ZNF236: variants seen among roughly 807,000 people sequenced by gnomAD.
ZNF236 encodes regulated by glucose.
Under a neutral mutation model 191.2 loss-of-function variants are expected in ZNF236, and 50 were observed. That is an observed-to-expected ratio of 0.26 (90% CI 0.21 to 0.33). The LOEUF (loss-of-function observed/expected upper bound fraction) is 0.33. ZNF236 is among the 10% of genes least tolerant of loss of function. ZNF236 has a pLI of 1.00. For synonymous variants in ZNF236, 907 were observed against 928.8 expected (o/e 0.98, Z 0.43); for missense variants, 1,754 against 2,374.5 (o/e 0.74, Z 5.43).
At chr18:76,928,434 C>T (rs1967764575) in intron 25 of ZNF236, among the ~76,000 whole-genome samples, 1 of 152,200 alleles carries the variant, frequency 6.6e-6, no homozygotes, top group Non-Finnish European at 1.5e-5. Context: ...CTCACTCATG[C>T]TCCATGAAAC....
At position 76,960,643 on chromosome 18, in the gene ZNF236, T is replaced by C. The variant is rs758829893; in HGVS notation, c.5243-36T>C. The stretch of plus-strand genomic sequence containing the variant: ...AGAGCCCAGGCATCCACTATACTTT[T>C]CTTAGAGACATTGACATATGCCATT... On this transcript the variant is annotated intron_variant, in intron 29 of 30. Transcript: ENST00000320610. The surrounding 1 kb of genome is among the most constrained non-coding windows in gnomAD (Gnocchi z 4.4). The C allele has an allele frequency of 6.2e-7, 1 of 1,613,604 alleles. No individual in the cohort carries two copies. Among genetic ancestry groups the C allele is most frequent in the Admixed American group, 1.7e-5 (1 of 60,014 alleles).
At chr18:76,901,745 T>C (rs1977600092) in intron 11 of ZNF236, among the ~76,000 whole-genome samples, 2 of 151,662 alleles carry the variant, frequency 1.3e-5, no homozygotes, top group Non-Finnish European at 2.9e-5. Flanking sequence ...GGAACAACAG[T>C]GAAACTCTGT....
intron 1 of ZNF236, among the ~76,000 whole-genome samples, chr18:76,831,504 T>C (rs1003853965): frequency 8.5e-5 from 13 of 152,194 alleles, no homozygotes; most frequent in Non-Finnish European, 5.9e-5. Flanking sequence ...AATATTTGTG[T>C]GCAGGTTTGT....
intron 26 of ZNF236, 34 bp from the exon 27 acceptor site, chr18:76,947,487 T>G (rs775299546): frequency 6.3e-7 from 1 of 1,594,186 alleles, no homozygotes. Context: ...TTGCTAAAGT[T>G]ACAACTTCTG....
chr18:76,858,064 TGTGTTA>T (rs1264556853), intron 3 of ZNF236, among the ~76,000 whole-genome samples: 24 of 152,164 alleles, frequency 1.6e-4, no homozygotes, highest in Admixed American at 4.6e-4. Context: ...TGCATTTGTG[TGTGTTA>T]GTTTTCCCTG....
chr18:76,837,124 C>A (rs1402317379), intron 1 of ZNF236, among the ~76,000 whole-genome samples: 1 of 72,010 alleles, frequency 1.4e-5, no homozygotes, highest in African/African-American at 7.8e-5. Context: ...GATCCGCACC[C>A]CCTCCCCCCC....
chr18:76,857,625 C>G (rs1192296143), intron 3 of ZNF236, among the ~76,000 whole-genome samples: 2 of 152,184 alleles, frequency 1.3e-5, no homozygotes, highest in African/African-American at 4.8e-5. Flanking sequence ...GTCAAAGTGA[C>G]ACAGGCAGGT....
Position 76,927,489 on chromosome 18 carries a change from G to C in ZNF236, c.4386G>C (p.Gln1462His). 1.2e-6 allele frequency: 2 copies of C among 1,614,110 alleles called. No individual in the cohort carries two copies. The highest frequency in any genetic ancestry group is 1.7e-6 in the Non-Finnish European group (2 of 1,180,038). ...ANLTIGPLSEQDSVLTTNSSG... is the reference protein window; with the variant it reads ...ANLTIGPLSEHDSVLTTNSSG... ...TGACCATAGGCCCGCTGTCTGAGCA[G>C]GATTCAGTGCTGACCACTAACAGCA... is the stretch of plus-strand genomic sequence containing the variant. Residue 1462 changes from glutamine to histidine, a missense_variant, in exon 24 of 31, where the codon CAG (glutamine) becomes CAC (histidine). Gln to His is a conservative substitution (Grantham distance 24). Coordinates refer to ENST00000320610, the MANE Select transcript of ZNF236 (RefSeq NM_001306089.2). The surrounding 1 kb of genome is among the most constrained non-coding windows in gnomAD (Gnocchi z 5.4).
At chr18:76,853,143 A>G (rs1222312449) in intron 3 of ZNF236, among the ~76,000 whole-genome samples, 4 of 151,560 alleles carry the variant, frequency 2.6e-5, no homozygotes, top group Non-Finnish European at 4.4e-5. Flanking sequence ...CAATGGCGCC[A>G]TCTTAACTCA....
intron 9 of ZNF236, chr18:76,888,505 G>T (rs750242520): frequency 6.6e-6 from 1 of 152,294 alleles, no homozygotes; most frequent in African/African-American, 2.4e-5. Flanking sequence ...TGAGATATCA[G>T]TCCCTCTCTA....
At chr18:76,882,267 A>G (rs995490940) in intron 9 of ZNF236, among the ~76,000 whole-genome samples, 3 of 152,170 alleles carry the variant, frequency 2.0e-5, no homozygotes, top group Non-Finnish European at 4.4e-5. Flanking sequence ...TCATTCAAGC[A>G]TCTTCAGTGC....
intron 14 of ZNF236, among the ~76,000 whole-genome samples, chr18:76,909,111 A>G (rs1008002264): frequency 1.3e-5 from 2 of 152,014 alleles, no homozygotes; most frequent in Admixed American, 1.3e-4. Flanking sequence ...TGAGGTCAGC[A>G]ATTCAAGACC....
rs956191392 is a variant in ZNF236 at position 76,855,801 on chromosome 18, C to T, written c.363+3862C>T. On this transcript the variant is annotated intron_variant, in intron 3 of 30. Coordinates refer to ENST00000320610, the MANE Select transcript of ZNF236 (RefSeq NM_001306089.2). ...TTATCTTGTGAGTAGAGGATGCTGC[C>T]GAACACCCTGCAGTGCCCAGCACAG... is the stretch of plus-strand genomic sequence containing the variant. Among the ~76,000 whole-genome samples the T allele has an allele frequency of 3.3e-5, 5 of 152,054 alleles. No individual in the cohort carries two copies. The South Asian group carries it at 6.2e-4, about 19-fold the overall frequency.
At position 76,892,655 on chromosome 18, in the gene ZNF236, C is replaced by T. The variant is rs150010528; in HGVS notation, c.1418-2358C>T. On this transcript the variant is annotated intron_variant, in intron 9 of 30. Transcript: ENST00000320610. Reference sequence around the variant, plus strand: ...CAGTCTTGGCTCACCATAACCTCTGCCTCCCGGGTTCAAGTGATTCTCCTG... The same window carrying T: ...CAGTCTTGGCTCACCATAACCTCTGTCTCCCGGGTTCAAGTGATTCTCCTG... Among the ~76,000 whole-genome samples, 748 of 152,238 alleles carry T rather than the reference C, an allele frequency of 4.9e-3. 6 individuals carry two copies. The highest frequency in any genetic ancestry group is 0.017 in the African/African-American group (715 of 41,550).
In ZNF236 at chr18:76,908,433, G is replaced by A. The variant is rs1364508385; in HGVS notation, c.2411G>A (p.Ser804Asn). Residue 804 changes from serine (S) to asparagine (N), a missense_variant, in exon 14 of 31, where the codon AGC becomes AAC. Transcript: ENST00000320610. ...ACTCAAATGCAGGTGGAGATCGAGA[G>A]CGACGAGCTGCCGCAGACGGCAGAG... is the stretch of plus-strand genomic sequence containing the variant. ...ASTQMQVEIE[S>N]DELPQTAEVV... is the part of the protein sequence containing the mutation. 5 of 1,614,034 alleles carry A rather than the reference G, an allele frequency of 3.1e-6. No homozygotes were observed. Among genetic ancestry groups the A allele is most frequent in the African/African-American group, 1.3e-5 (1 of 74,982 alleles).
chr18:76,824,342 A>C, intron 1 of ZNF236: 1 of 781,096 alleles, frequency 1.3e-6, no homozygotes, highest in South Asian at 1.3e-5. Context: ...CGTTTCAGCG[A>C]GCTTTCGCAC....
chr18:76,957,414 C>T (rs2122954079), intron 28 of ZNF236, among the ~76,000 whole-genome samples: 1 of 152,356 alleles, frequency 6.6e-6, no homozygotes, highest in Middle Eastern at 3.4e-3. Context: ...GGTGGCTCCT[C>T]TCCCAGGTCC....
At chr18:76,914,502 CAGCCCACCGT>C (rs774133095) in intron 18 of ZNF236, among the ~76,000 whole-genome samples, 30 of 152,156 alleles carry the variant, frequency 2.0e-4, no homozygotes, top group Non-Finnish European at 4.1e-4. Flanking sequence ...TCGGATTTGA[CAGCCCACCGT>C]AGCGTGGGAG....
At chr18:76,839,393 TTGTC>T (rs751643605) in intron 1 of ZNF236, among the ~76,000 whole-genome samples, 6 of 152,254 alleles carry the variant, frequency 3.9e-5, no homozygotes, top group Non-Finnish European at 5.9e-5. Context: ...ATCTGTGGTA[TTGTC>T]TGTCTTTTTA....
Sources: allele counts gnomAD v4.1 joint callset (sites outside exome capture counted in the v4.1 genomes callset), GRCh38; gene constraint gnomAD v4.1.1; non-coding constraint Gnocchi (gnomAD v3.1); transcripts MANE v1.5; gene names NCBI Gene and HGNC (gene_info 2026-07-23, HGNC 2026-07-21).